RHBDD1: variants seen among roughly 807,000 people sequenced by gnomAD.
The protein encoded by RHBDD1 is rhomboid-related protein 4.
A neutral mutation model predicts 36.3 loss-of-function variants in RHBDD1; 38 were observed. That is an observed-to-expected ratio of 1.05 (90% CI 0.81 to 1.37). The LOEUF is 1.37. RHBDD1 is among the 40% of genes most tolerant of loss of function. The pLI, the probability that RHBDD1 is intolerant of heterozygous loss-of-function variation, is 0.00. For missense variants in RHBDD1, 393 were observed against 377.6 expected (o/e 1.04, Z -0.34); for synonymous variants, 151 against 136.5 (o/e 1.11, Z -0.74).
chr2:226,907,439 A>T lies in RHBDD1; in HGVS notation c.655+558A>T, dbSNP rs368277404. 5.5e-4 allele frequency among the ~76,000 whole-genome samples: 83 copies of T among 152,266 alleles called. No homozygotes were observed. In the South Asian group the frequency reaches 0.015, roughly 27 times the overall value. On this transcript the variant is annotated intron_variant, in intron 6 of 8. Transcript: ENST00000392062. ...CCCTTCAAATTGATACTCAATGAAA[A>T]TATTTCATTTAGAAATACTTGTATT...
intron 3 of RHBDD1, among the ~76,000 whole-genome samples, chr2:226,857,442 C>A (rs1371595266): frequency 6.6e-6 from 1 of 152,014 alleles, no homozygotes; most frequent in Non-Finnish European, 1.5e-5. Context: ...TATGTATATA[C>A]CCCAGAGAAC....
At chr2:226,869,084 C>T (rs867439762) in intron 5 of RHBDD1, 143 of 626,286 alleles carry the variant, frequency 2.3e-4, no homozygotes, top group African/African-American at 9.2e-4. Context: ...AATAACAGTG[C>T]GTTTAATATT....
At chr2:226,932,433 A>G (rs1354724313) in intron 8 of RHBDD1, among the ~76,000 whole-genome samples, 2 of 152,128 alleles carry the variant, frequency 1.3e-5, no homozygotes, top group African/African-American at 4.8e-5. Context: ...GATAATTATG[A>G]GTAATACTGA....
At chr2:226,866,195 C>G (rs906441710) in intron 4 of RHBDD1, among the ~76,000 whole-genome samples, 1 of 152,060 alleles carries the variant, frequency 6.6e-6, no homozygotes. Flanking sequence ...CACAGCCTCC[C>G]GAGTAGCTGG....
At chr2:226,932,548 G>A (rs990795727) in intron 8 of RHBDD1, among the ~76,000 whole-genome samples, 2 of 151,756 alleles carry the variant, frequency 1.3e-5, no homozygotes, top group African/African-American at 2.4e-5. Context: ...GGTTTTTCTC[G>A]GTATCTGCTT....
chr2:226,947,643 A>T (rs1951077691), intron 8 of RHBDD1, among the ~76,000 whole-genome samples: 1 of 152,014 alleles, frequency 6.6e-6, no homozygotes, highest in East Asian at 1.9e-4. Context: ...TGTGAAGAAA[A>T]TGGGAGAAAA....
intron 8 of RHBDD1, among the ~76,000 whole-genome samples, chr2:226,927,999 C>T (rs1949779679): frequency 6.6e-6 from 1 of 152,006 alleles, no homozygotes; most frequent in African/African-American, 2.4e-5. Context: ...AGTGTTGTAT[C>T]TAAGAATCTT....
chr2:226,885,580 A>G lies in RHBDD1; in HGVS notation c.566+18262A>G, dbSNP rs546208638. On this transcript the variant is annotated intron_variant, in intron 5 of 8. Coordinates refer to ENST00000392062, the MANE Select transcript of RHBDD1 (RefSeq NM_001167608.3). ...AAAGTATTACATATGAAGTGGTTTC[A>G]GTTTTTTTCAAAGTAAAAATAGTCA... Among the ~76,000 whole-genome samples the G allele has an allele frequency of 7.9e-5, 12 of 152,310 alleles. No individual in the cohort carries two copies. The South Asian group carries it at 2.5e-3, about 32-fold the overall frequency.
the RHBDD1 span, among the ~76,000 whole-genome samples, chr2:226,822,527 C>T: frequency 6.7e-6 from 1 of 149,946 alleles, no homozygotes; most frequent in Non-Finnish European, 1.5e-5. Flanking sequence ...CCTAGCTATA[C>T]AGGAGGCTGA....
chr2:226,923,496 G>A (rs1009835831), intron 8 of RHBDD1, among the ~76,000 whole-genome samples: 2 of 151,982 alleles, frequency 1.3e-5, no homozygotes, highest in Admixed American at 6.6e-5. Flanking sequence ...TCTTGAGGTA[G>A]TCTTATTTGG....
intron 8 of RHBDD1, 55 bp from the exon 9 acceptor site, chr2:226,995,376 C>A: frequency 9.1e-7 from 1 of 1,103,052 alleles, no homozygotes; most frequent in South Asian, 1.3e-5. Context: ...TCCTAGGGTA[C>A]ACATGCCTTG....
At position 226,851,111 on chromosome 2, in the gene RHBDD1, T is replaced by A. The variant is rs575729072; in HGVS notation, c.-91+11484T>A. ...CCTCACCTGTGGAAGATGGTCAGTA[T>A]GTTATTTGTTTTGGGTCCCATTGAT... On this transcript the variant is annotated intron_variant, in intron 3 of 8. Transcript: ENST00000392062. Among the ~76,000 whole-genome samples, 90 of 152,240 alleles carry A rather than the reference T, an allele frequency of 5.9e-4. No homozygotes were observed. The Middle Eastern group carries it at 0.017, about 29-fold the overall frequency.
chr2:226,907,229 A>C (rs1037220433), intron 6 of RHBDD1, among the ~76,000 whole-genome samples: 3 of 152,232 alleles, frequency 2.0e-5, no homozygotes, highest in Non-Finnish European at 4.4e-5. Flanking sequence ...TAGTCCATGA[A>C]TTAATATACG....
In RHBDD1 at chr2:226,865,008, CTATGT is replaced by C; in HGVS notation, c.319_323del (p.Val107HisfsTer24). The stretch of plus-strand genomic sequence containing the variant: ...GAAGACTGGGAAGTAGATGGTTTGC[CTATGT>C]TATCACCGCATTTTCTGTACTTACT... On this transcript the variant is annotated frameshift_variant, in exon 4 of 9. Transcript: ENST00000392062. LOFTEE classifies it high-confidence loss of function. The C allele has an allele frequency of 6.2e-7, 1 of 1,614,210 alleles. No homozygotes were observed. The highest frequency in any genetic ancestry group is 1.1e-5 in the South Asian group (1 of 91,078).
chr2:226,834,694 C>T (rs1003299734), upstream of RHBDD1, among the ~76,000 whole-genome samples: 9 of 152,174 alleles, frequency 5.9e-5, no homozygotes, highest in African/African-American at 2.2e-4. Context: ...CAAAGAGTAA[C>T]ACTAAACCAC....
chr2:226,928,768 TGAAAA>T (rs1317192246), intron 8 of RHBDD1, among the ~76,000 whole-genome samples: 5 of 151,914 alleles, frequency 3.3e-5, no homozygotes, highest in East Asian at 1.9e-4. Flanking sequence ...ATCTTAACCA[TGAAAA>T]GAAGAGAGAA....
At chr2:226,926,067 A>C (rs1159529429) in intron 8 of RHBDD1, among the ~76,000 whole-genome samples, 1 of 152,046 alleles carries the variant, frequency 6.6e-6, no homozygotes. Flanking sequence ...TAAATCCTTC[A>C]ATGTGTATCT....
chr2:226,917,905 A>G (rs531583541), intron 8 of RHBDD1, among the ~76,000 whole-genome samples: 1 of 152,192 alleles, frequency 6.6e-6, no homozygotes, highest in East Asian at 1.9e-4. Flanking sequence ...ATAAAAGTTA[A>G]TAGTTAATTG....
chr2:226,847,377 C>A (rs1443311977), intron 3 of RHBDD1, among the ~76,000 whole-genome samples: 12 of 152,160 alleles, frequency 7.9e-5, no homozygotes, highest in African/African-American at 2.7e-4. Context: ...CAAAGCCTGG[C>A]TGGGGTGAAG....
Sources: gnomAD v4.1 joint callset for allele counts (sites outside exome capture counted in the v4.1 genomes callset) on GRCh38, gnomAD v4.1.1 for gene constraint, MANE v1.5 for transcripts, NCBI Gene and HGNC (gene_info 2026-07-23, HGNC 2026-07-21) for gene names.